The following ANK3 variants were observed in gnomAD, a reference collection of about 807,000 sequenced individuals.
The protein encoded by ANK3 is ankyrin 3, also known as ankyrin-3.
Under a neutral mutation model 370.9 loss-of-function variants are expected in ANK3, and 57 were observed. That is an observed-to-expected ratio of 0.15 (90% CI 0.12 to 0.19). The LOEUF (loss-of-function observed/expected upper bound fraction) is 0.19. Ranked by LOEUF, ANK3 falls within the 10% of genes least tolerant of loss-of-function variation. The probability of loss-of-function intolerance (pLI) is 1.00; values close to 1 mark genes in which losing one functional copy is unlikely to be tolerated. For missense variants in ANK3, 4,439 were observed against 5,302.1 expected (o/e 0.84, Z 5.06); for synonymous variants, 1,929 against 1,946.3 (o/e 0.99, Z 0.23).
intron 2 of ANK3, among the ~76,000 whole-genome samples, chr10:60,488,378 A>G (rs542349398): frequency 2.0e-5 from 3 of 152,236 alleles, no homozygotes; most frequent in African/African-American, 7.2e-5. Flanking sequence ...TATGTTGAGA[A>G]ATATTTTTTA....
intron 1 of ANK3, among the ~76,000 whole-genome samples, chr10:60,711,377 A>AAAAG (rs756570098): frequency 3.8e-4 from 56 of 148,098 alleles, no homozygotes; most frequent in Non-Finnish European, 6.6e-4. Context: ...AAATTGAATA[A>AAAAG]AAATAAATAA....
intron 2 of ANK3, among the ~76,000 whole-genome samples, chr10:60,559,868 C>A (rs1356907343): frequency 6.6e-6 from 1 of 152,082 alleles, no homozygotes; most frequent in Non-Finnish European, 1.5e-5. Flanking sequence ...CATGGTGAAA[C>A]CCCATCTCTA....
intron 2 of ANK3, among the ~76,000 whole-genome samples, chr10:60,590,635 C>T (rs1474544532): frequency 6.6e-6 from 1 of 152,112 alleles, no homozygotes; most frequent in African/African-American, 2.4e-5. Context: ...GTCTTTTGCC[C>T]AGCCTTTCTC....
chr10:60,190,436 A>C (rs1024021504), intron 16 of ANK3, among the ~76,000 whole-genome samples: 3 of 152,206 alleles, frequency 2.0e-5, no homozygotes, highest in African/African-American at 4.8e-5. Flanking sequence ...ACAAACAAAC[A>C]AACCCCCAAA....
At chr10:60,711,306 A>T (rs1387890195) in intron 1 of ANK3, among the ~76,000 whole-genome samples, 6 of 152,184 alleles carry the variant, frequency 3.9e-5, no homozygotes, top group African/African-American at 1.4e-4. Context: ...CCTGTATCAA[A>T]ACATCTCATG....
chr10:60,487,361 C>G (rs1025102533), intron 2 of ANK3, among the ~76,000 whole-genome samples: 1 of 152,130 alleles, frequency 6.6e-6, no homozygotes, highest in Non-Finnish European at 1.5e-5. Flanking sequence ...CTCAGGTAAC[C>G]ACGTTGGCCC....
Position 60,354,275 on chromosome 10 carries a change from A to C in ANK3, c.114+35150T>G, listed in dbSNP as rs554840850. On this transcript the variant is annotated intron_variant, in intron 1 of 43. Transcript: ENST00000280772. ...TAAGTCTGAGTGCTTCCCAAGATGC[A>C]TGGCACATCTGCCACAAGAAATGTG... 2.0e-5 allele frequency among the ~76,000 whole-genome samples: 3 copies of C among 152,252 alleles called. No homozygotes were observed. In the East Asian group the frequency reaches 5.8e-4, roughly 29 times the overall value.
At chr10:60,339,819 G>A (rs1294020173) in intron 1 of ANK3, among the ~76,000 whole-genome samples, 1 of 152,172 alleles carries the variant, frequency 6.6e-6, no homozygotes, top group African/African-American at 2.4e-5. Context: ...AGCAGTAGCG[G>A]TACTAACTAG....
At chr10:60,729,230 G>A (rs2079986441) in intron 1 of ANK3, among the ~76,000 whole-genome samples, 1 of 152,166 alleles carries the variant, frequency 6.6e-6, no homozygotes, top group South Asian at 2.1e-4. Flanking sequence ...CAACACTGCA[G>A]TCACATAGCT....
chr10:60,153,718 C>T (rs1026676535), intron 23 of ANK3, among the ~76,000 whole-genome samples: 8 of 152,238 alleles, frequency 5.3e-5, no homozygotes, highest in African/African-American at 1.9e-4. Flanking sequence ...AGAATAAAGG[C>T]CCTTGTCCCA....
intron 1 of ANK3, among the ~76,000 whole-genome samples, chr10:60,647,132 T>C (rs886858691): frequency 5.3e-5 from 8 of 152,220 alleles, no homozygotes; most frequent in Non-Finnish European, 1.2e-4. Flanking sequence ...CCCGGCACTG[T>C]GCTGAGCAAT....
At chr10:60,276,322 C>A (rs2098089099) in intron 4 of ANK3, among the ~76,000 whole-genome samples, 1 of 152,040 alleles carries the variant, frequency 6.6e-6, no homozygotes, top group Non-Finnish European at 1.5e-5. Context: ...TATTTCTGTC[C>A]TGTTTTATGT....
intron 8 of ANK3, among the ~76,000 whole-genome samples, chr10:60,219,883 T>C (rs1053477100): frequency 1.3e-5 from 2 of 152,218 alleles, no homozygotes; most frequent in South Asian, 2.1e-4. Context: ...AGTATTAATG[T>C]TATTTAAAAA....
intron 1 of ANK3, among the ~76,000 whole-genome samples, chr10:60,681,869 C>T (rs2079200091): frequency 6.6e-6 from 1 of 152,130 alleles, no homozygotes; most frequent in Non-Finnish European, 1.5e-5. Flanking sequence ...AGATAACTAC[C>T]AGCTGGACAC....
intron 36 of ANK3, among the ~76,000 whole-genome samples, chr10:60,077,261 G>A (rs147290897): frequency 6.6e-6 from 1 of 152,194 alleles, no homozygotes; most frequent in African/African-American, 2.4e-5. Flanking sequence ...CTTTTGATGA[G>A]AGGAAAAGAA....
At chr10:60,696,794 T>G (rs1457944054) in intron 1 of ANK3, among the ~76,000 whole-genome samples, 2 of 144,086 alleles carry the variant, frequency 1.4e-5, no homozygotes, top group Admixed American at 6.9e-5. Context: ...ACAGCCAATA[T>G]CATACTGAAT....
At chr10:60,035,520 T>G (rs1194789888) in intron 43 of ANK3, among the ~76,000 whole-genome samples, 4 of 150,976 alleles carry the variant, frequency 2.6e-5, no homozygotes, top group African/African-American at 9.7e-5. Context: ...CCCGAAGTGC[T>G]GGGATTACAG....
intron 1 of ANK3, among the ~76,000 whole-genome samples, chr10:60,339,818 G>A (rs554254560): frequency 1.2e-4 from 19 of 152,218 alleles, no homozygotes; most frequent in African/African-American, 3.4e-4. Context: ...CAGCAGTAGC[G>A]GTACTAACTA....
chr10:60,713,381 CA>C (rs2079737447), intron 1 of ANK3, among the ~76,000 whole-genome samples: 1 of 151,852 alleles, frequency 6.6e-6, no homozygotes, highest in Non-Finnish European at 1.5e-5. Context: ...GAAGAAATCT[CA>C]AGAGAAATTA....
Sources: gnomAD v4.1 joint callset for allele counts (sites outside exome capture counted in the v4.1 genomes callset) on GRCh38, gnomAD v4.1.1 for gene constraint, MANE v1.5 for transcripts, NCBI Gene and HGNC (gene_info 2026-07-23, HGNC 2026-07-21) for gene names.